TRDN: variants seen among roughly 807,000 people sequenced by gnomAD.
The protein encoded by TRDN is triadin.
Under a neutral mutation model 149.7 loss-of-function variants are expected in TRDN, and 161 were observed. The ratio of observed to expected loss-of-function variants is 1.08; its 90% CI spans 0.95 to 1.23. TRDN has a LOEUF of 1.23. Among genes scored for constraint, TRDN ranks in the 50% most tolerant of loss-of-function variants. The pLI is 0.00. For synonymous variants in TRDN, 294 were observed against 250.5 expected, an observed-to-expected ratio of 1.17 and a Z score of -1.64; for missense variants, 896 against 823.5, an observed-to-expected ratio of 1.09 and a Z score of -1.08.
chr6:123,608,716 G>C (rs1784639680), intron 1 of TRDN, among the ~76,000 whole-genome samples: 1 of 152,136 alleles, frequency 6.6e-6, no homozygotes, highest in African/African-American at 2.4e-5. Flanking sequence ...TTAACATATT[G>C]AATATGGTTG....
chr6:123,548,753 T>A, intron 2 of TRDN, 141 bp from the exon 3 acceptor site: 1 of 767,180 alleles, frequency 1.3e-6, no homozygotes, highest in Non-Finnish European at 1.8e-6. Flanking sequence ...CTGGCTACAA[T>A]TTTTTGCGCA....
intron 12 of TRDN, among the ~76,000 whole-genome samples, chr6:123,428,497 C>T (rs1774213660): frequency 6.6e-6 from 1 of 152,128 alleles, no homozygotes; most frequent in Non-Finnish European, 1.5e-5. Flanking sequence ...GTGACCTCTG[C>T]ATCAAGCTAA....
chr6:123,527,657 T>A (rs529040137), intron 5 of TRDN, among the ~76,000 whole-genome samples: 1 of 151,852 alleles, frequency 6.6e-6, no homozygotes, highest in Non-Finnish European at 1.5e-5. Context: ...ATTTAGTTAA[T>A]GATATGTGGT....
chr6:123,218,491 G>A lies in TRDN; in HGVS notation c.*110C>T. 1 of 1,346,272 alleles carries A rather than the reference G, an allele frequency of 7.4e-7. No individual in the cohort carries two copies. The highest frequency in any genetic ancestry group is 1.0e-6 in the Non-Finnish European group (1 of 999,898). The allele number at this position is 1,346,272 out of a possible 1,614,324, so 83.4% of individuals were successfully genotyped here. A position where few individuals can be genotyped will look rare whatever the true frequency, so the allele number is the denominator to read the frequency against. ...TCCACACCAGGCCAAAGAGCAAAAT[G>A]TTTTCACAGAAATTCTCTGGGTTGC... On this transcript the variant is annotated 3_prime_UTR_variant, in exon 41 of 41. Transcript: ENST00000334268.
At position 123,220,047 on chromosome 6, in the gene TRDN, G is replaced by A. The variant is rs538406362; in HGVS notation, c.2051-1307C>T. Among the ~76,000 whole-genome samples the A allele has an allele frequency of 1.4e-4, 21 of 151,982 alleles. No homozygotes were observed. The South Asian group carries it at 3.7e-3, about 27-fold the overall frequency. ...TTAAATTAAAGGCTCATGAATATCA[G>A]GCTATAGAACTGCCTTCTTGTAAGA... On this transcript the variant is annotated intron_variant, in intron 40 of 40. Coordinates refer to ENST00000334268, the MANE Select transcript of TRDN (RefSeq NM_006073.4).
At chr6:123,281,434 C>T (rs1777581649) in intron 24 of TRDN, among the ~76,000 whole-genome samples, 1 of 151,816 alleles carries the variant, frequency 6.6e-6, no homozygotes, top group African/African-American at 2.4e-5. Flanking sequence ...CACTTTTGGC[C>T]CAATAAATGT....
intron 16 of TRDN, among the ~76,000 whole-genome samples, chr6:123,381,162 G>C (rs1356538057): frequency 1.3e-5 from 2 of 152,022 alleles, no homozygotes; most frequent in African/African-American, 2.4e-5. Flanking sequence ...GCATGAGCTT[G>C]AGAAAGAGTT....
At chr6:123,514,430 A>G (rs1583172701) in intron 6 of TRDN, among the ~76,000 whole-genome samples, 1 of 152,158 alleles carries the variant, frequency 6.6e-6, no homozygotes, top group East Asian at 1.9e-4. Context: ...ATGAAGATTC[A>G]AAGCCAGAAA....
At chr6:123,464,256 G>C (rs1395959946) in intron 10 of TRDN, 25 of 984,232 alleles carry the variant, frequency 2.5e-5, no homozygotes, top group Non-Finnish European at 3.0e-5. Flanking sequence ...TGACTTTAAC[G>C]TTCCAGCAAA....
chr6:123,274,665 G>C lies in TRDN; in HGVS notation c.1573C>G (p.Gln525Glu). The change falls in exon 27 of 41, where the codon CAA becomes GAA. Residue 525 changes from glutamine to glutamate, a missense_variant. Physicochemically the swap from Gln to Glu is conservative, Grantham distance 29. Coordinates refer to ENST00000334268, the MANE Select transcript of TRDN (RefSeq NM_006073.4). ...CCTGGTTTTGCTTCTTTTTTAATTT[G>C]GGGCTCTGAGGGAGAGAAAAGGCAG... ...QGKKEEKPEP[Q>E]IKKEAKPAIS... 1 of 1,607,236 alleles carries C rather than the reference G, an allele frequency of 6.2e-7. No individual in the cohort carries two copies. The highest frequency in any genetic ancestry group is 1.7e-4 in the Middle Eastern group (1 of 5,986).
At chr6:123,228,329 T>C (rs1418677134) in intron 38 of TRDN, among the ~76,000 whole-genome samples, 1 of 151,902 alleles carries the variant, frequency 6.6e-6, no homozygotes, top group Non-Finnish European at 1.5e-5. Context: ...CTGCCTGCAT[T>C]AGTTTGTTTT....
At chr6:123,257,073 C>T (rs990653309) in intron 35 of TRDN, among the ~76,000 whole-genome samples, 1 of 151,560 alleles carries the variant, frequency 6.6e-6, no homozygotes, top group Non-Finnish European at 1.5e-5. Flanking sequence ...CTCTGCCTCT[C>T]AGGTTCAAGT....
At chr6:123,464,690 A>G in intron 10 of TRDN, 2 of 1,322,638 alleles carry the variant, frequency 1.5e-6, no homozygotes, top group Non-Finnish European at 1.9e-6. Context: ...TCCTTCTGGA[A>G]GCTGAGGGTC....
At chr6:123,417,747 T>C (rs1773714674) in intron 12 of TRDN, among the ~76,000 whole-genome samples, 1 of 152,168 alleles carries the variant, frequency 6.6e-6, no homozygotes, top group Admixed American at 6.5e-5. Context: ...CCCTAAAGCC[T>C]TCAGGGCCAA....
At chr6:123,324,572 T>C (rs1779371922) in intron 23 of TRDN, among the ~76,000 whole-genome samples, 2 of 152,202 alleles carry the variant, frequency 1.3e-5, no homozygotes, top group African/African-American at 4.8e-5. Context: ...AGTGAGATTG[T>C]GACCCATTCT....
At chr6:123,425,232 G>GGTGTGTGTGTGT (rs60065532) in intron 12 of TRDN, among the ~76,000 whole-genome samples, 7 of 138,830 alleles carry the variant, frequency 5.0e-5, no homozygotes, top group East Asian at 2.2e-4. Context: ...CAGAGGTAGA[G>GGTGTGTGTGTGT]GTGTGTGTGT....
At chr6:123,482,693 A>C (rs1439033165) in intron 9 of TRDN, among the ~76,000 whole-genome samples, 1 of 152,202 alleles carries the variant, frequency 6.6e-6, no homozygotes, top group Non-Finnish European at 1.5e-5. Flanking sequence ...AGGGAGTTTC[A>C]ATATGACAAT....
intron 7 of TRDN, among the ~76,000 whole-genome samples, chr6:123,509,174 G>GTGTGCA (rs1779058213): frequency 6.6e-6 from 1 of 151,836 alleles, no homozygotes; most frequent in Admixed American, 6.6e-5. Context: ...GTATGTTTGT[G>GTGTGCA]TGTGTATGTG....
Position 123,217,771 on chromosome 6 carries a change from T to G in TRDN, c.*830A>C, listed in dbSNP as rs1290653181. 1 of 152,040 alleles carries G rather than the reference T, an allele frequency of 6.6e-6. No homozygotes were observed. The highest frequency in any genetic ancestry group is 1.5e-5 in the Non-Finnish European group (1 of 67,960). 9.4% of individuals were successfully genotyped at this position (152,040 alleles called of 1,614,324 possible). A position where few individuals can be genotyped will look rare whatever the true frequency, so the allele number is the denominator to read the frequency against. On this transcript the variant is annotated 3_prime_UTR_variant, in exon 41 of 41. Coordinates refer to ENST00000334268, the MANE Select transcript of TRDN (RefSeq NM_006073.4). ...TTTTATATTTGTCACCCAAATTTAG[T>G]GATTGATCTAAAATTTCACCCAGGT...
Sources: gnomAD v4.1 joint callset for allele counts (sites outside exome capture counted in the v4.1 genomes callset) on GRCh38, gnomAD v4.1.1 for gene constraint, MANE v1.5 for transcripts, NCBI Gene and HGNC (gene_info 2026-07-23, HGNC 2026-07-21) for gene names.